The following GFOD2 variants were observed in gnomAD, a reference collection of about 807,000 sequenced individuals.
GFOD2 encodes glucose-fructose oxidoreductase domain-containing protein 2.
GFOD2 carries 9 observed loss-of-function variants against 24.6 expected under a neutral mutation model. The ratio of observed to expected loss-of-function variants is 0.37; its 90% CI spans 0.22 to 0.64. The LOEUF (loss-of-function observed/expected upper bound fraction) is 0.64, where lower values mean the gene tolerates loss of function less well. Ranked by LOEUF, GFOD2 falls within the 30% of genes least tolerant of loss-of-function variation. The probability of loss-of-function intolerance (pLI) is 0.65; values close to 1 mark genes in which losing one functional copy is unlikely to be tolerated. For missense variants in GFOD2, 476 were observed against 532.5 expected, an observed-to-expected ratio of 0.89 and a Z score of 1.04; for synonymous variants, 211 against 224.8, an observed-to-expected ratio of 0.94 and a Z score of 0.55.
Position 67,685,548 on chromosome 16 carries a change from C to G in GFOD2, c.168G>C (p.Arg56=). The change falls in exon 2 of 3, where the codon CGG becomes CGC. Residue 56 remains arginine, a synonymous_variant. Coordinates refer to ENST00000268797, the MANE Select transcript of GFOD2 (RefSeq NM_030819.4). ...CTTGATGCAGCAAGATGTCATCAGT[C>G]CGGCTGGTGTAGAAGGCGATGTTCA... ...EEMNIAFYTS[R]TDDILLHQDV... 6.2e-7 allele frequency: 1 copy of G among 1,614,152 alleles called. No homozygotes were observed.
intron 1 of GFOD2, among the ~76,000 whole-genome samples, chr16:67,705,913 C>A (rs1285767052): frequency 6.8e-6 from 1 of 146,640 alleles, no homozygotes; most frequent in Non-Finnish European, 1.5e-5. Flanking sequence ...GCACTCCAGG[C>A]TGGGCAACAG....
chr16:67,700,846 A>G (rs762012454), intron 1 of GFOD2, among the ~76,000 whole-genome samples: 6 of 151,070 alleles, frequency 4.0e-5, no homozygotes, highest in Non-Finnish European at 7.4e-5. Context: ...CAGCCTGGCC[A>G]ACATGGTGAA....
At chr16:67,689,830 T>C (rs558921537) in intron 1 of GFOD2, among the ~76,000 whole-genome samples, 126 of 152,196 alleles carry the variant, frequency 8.3e-4, no homozygotes, top group African/African-American at 2.7e-3. Context: ...AATAATAACT[T>C]CCCATTCCCA....
chr16:67,691,511 C>CCCT lies in GFOD2; in HGVS notation c.-87-5710_-87-5709insAGG, dbSNP rs1555545730. On this transcript the variant is annotated intron_variant, in intron 1 of 2. Transcript: ENST00000268797. ...AAGCAAGTCACACTGTGCCTAGACC[C>CCCT]CCCCCCAAAAAAAAAAAAATTAAGA... Among the ~76,000 whole-genome samples, 81 of 147,438 alleles carry CCCT rather than the reference C, an allele frequency of 5.5e-4. 4 individuals carry two copies. Among genetic ancestry groups the CCCT allele is most frequent in the African/African-American group, 2.0e-3 (77 of 38,484 alleles).
chr16:67,703,977 T>TA (rs2142996782), intron 1 of GFOD2, among the ~76,000 whole-genome samples: 1 of 152,332 alleles, frequency 6.6e-6, no homozygotes, highest in Admixed American at 6.5e-5. Context: ...TCACTCAGCG[T>TA]AATGTCCTCA....
chr16:67,679,903 C>A lies in GFOD2; in HGVS notation c.260-3850G>T, dbSNP rs1338208273. 2.6e-5 allele frequency among the ~76,000 whole-genome samples: 4 copies of A among 150,974 alleles called. No individual in the cohort carries two copies. In the East Asian group the frequency reaches 7.8e-4, roughly 29 times the overall value. On this transcript the variant is annotated intron_variant, in intron 2 of 2. Transcript: ENST00000268797. ...CTTCGTCTCAAAAAAAAAAAAACAA[C>A]AACAACAACAAAAAAAAACAGGGTC... is the stretch of plus-strand genomic sequence containing the variant.
At chr16:67,679,886 CAAA>C (rs796132935) in intron 2 of GFOD2, among the ~76,000 whole-genome samples, 2 of 121,224 alleles carry the variant, frequency 1.6e-5, no homozygotes, top group African/African-American at 5.7e-5. Context: ...GACTTCGTCT[CAAA>C]AAAAAAAAAA....
chr16:67,686,916 G>A (rs1244219018), intron 1 of GFOD2, among the ~76,000 whole-genome samples: 9 of 151,882 alleles, frequency 5.9e-5, no homozygotes, highest in Admixed American at 5.9e-4. Context: ...GGAGGCTGAC[G>A]TGGGTGGATC....
chr16:67,683,412 G>A lies in GFOD2; in HGVS notation c.259+2045C>T, dbSNP rs974495891. ...GCCTGCATTCAAGCCACAAGGGATG[G>A]CAAGGAGTCAAGTGACCAATAGCGG... On this transcript the variant is annotated intron_variant, in intron 2 of 2. Coordinates refer to ENST00000268797, the MANE Select transcript of GFOD2 (RefSeq NM_030819.4). 4.9e-6 allele frequency: 6 copies of A among 1,228,768 alleles called. No homozygotes were observed. The East Asian group carries it at 1.6e-4, about 32-fold the overall frequency. 76.1% of individuals were successfully genotyped at this position (1,228,768 alleles called of 1,614,324 possible). A position where few individuals can be genotyped will look rare whatever the true frequency, so the allele number is the denominator to read the frequency against.
chr16:67,709,334 G>A (rs1426609465), intron 1 of GFOD2, among the ~76,000 whole-genome samples: 3 of 151,816 alleles, frequency 2.0e-5, no homozygotes, highest in Non-Finnish European at 4.4e-5. Context: ...TGGGACATTA[G>A]CTAGGCTGAT....
chr16:67,713,142 C>T (rs897610076), intron 1 of GFOD2, among the ~76,000 whole-genome samples: 3 of 151,092 alleles, frequency 2.0e-5, no homozygotes, highest in African/African-American at 2.5e-5. Flanking sequence ...CCTCGGCCTC[C>T]GAAAGTACTG....
intron 1 of GFOD2, among the ~76,000 whole-genome samples, chr16:67,686,856 A>C (rs1204868935): frequency 1.3e-5 from 2 of 151,114 alleles, no homozygotes; most frequent in East Asian, 3.9e-4. Flanking sequence ...GAAAGAAAGA[A>C]AGACTGGAGG....
intron 1 of GFOD2, among the ~76,000 whole-genome samples, chr16:67,717,485 C>G (rs572495772): frequency 1.3e-5 from 2 of 152,184 alleles, no homozygotes; most frequent in African/African-American, 4.8e-5. Context: ...AGCAATTGCC[C>G]TAGCAAATAA....
chr16:67,712,316 C>T (rs1440634226), intron 1 of GFOD2, among the ~76,000 whole-genome samples: 15 of 129,314 alleles, frequency 1.2e-4, no homozygotes, highest in Non-Finnish European at 2.0e-4. Flanking sequence ...TCTCCCTCCA[C>T]GGTCTCCCTC....
chr16:67,675,375 G>T lies in GFOD2; in HGVS notation c.938C>A (p.Ala313Asp). ...YLKGMVYMVQ[A>D]LRQSFQGQGD... ...CTGCCCCTGGAAGGACTGGCGCAAGGCCTGCACCATGTAGACCATGCCCTT... is the reference window on the plus strand; with the variant it reads ...CTGCCCCTGGAAGGACTGGCGCAAGTCCTGCACCATGTAGACCATGCCCTT... Residue 313 changes from alanine to aspartate, a missense_variant, in exon 3 of 3, where the codon GCC (alanine) becomes GAC (aspartate). Transcript: ENST00000268797. 6.2e-7 allele frequency: 1 copy of T among 1,613,322 alleles called. No homozygotes were observed. The highest frequency in any genetic ancestry group is 2.2e-5 in the East Asian group (1 of 44,888).
intron 2 of GFOD2, chr16:67,683,160 C>T: frequency 1.0e-6 from 1 of 962,894 alleles, no homozygotes. Context: ...CGGGATCCCA[C>T]TATGTTGCCC....
intron 1 of GFOD2, among the ~76,000 whole-genome samples, chr16:67,707,551 A>G (rs1359412815): frequency 2.0e-5 from 3 of 152,138 alleles, no homozygotes; most frequent in Admixed American, 6.6e-5. Flanking sequence ...AAATAAAAAC[A>G]TAAGTCCACA....
intron 1 of GFOD2, among the ~76,000 whole-genome samples, chr16:67,694,598 A>G (rs189063609): frequency 5.4e-4 from 82 of 152,270 alleles, no homozygotes; most frequent in African/African-American, 1.3e-3. Context: ...CCACGGCTGG[A>G]GAAATTGTTT....
At chr16:67,696,933 T>G (rs1413594295) in intron 1 of GFOD2, among the ~76,000 whole-genome samples, 1 of 152,232 alleles carries the variant, frequency 6.6e-6, no homozygotes, top group African/African-American at 2.4e-5. Flanking sequence ...GAGCTGGTTT[T>G]CCTTGTTAAT....
Sources: allele counts gnomAD v4.1 joint callset (sites outside exome capture counted in the v4.1 genomes callset), GRCh38; gene constraint gnomAD v4.1.1; transcripts MANE v1.5; gene names NCBI Gene and HGNC (gene_info 2026-07-23, HGNC 2026-07-21).